SPOCK3: variants seen among roughly 807,000 people sequenced by gnomAD.
SPOCK3 encodes the protein testican-3.
SPOCK3 carries 30 observed loss-of-function variants against 56.6 expected under a neutral mutation model. The ratio of observed to expected loss-of-function variants is 0.53; its 90% CI spans 0.40 to 0.72. The LOEUF is 0.72. Among genes scored for constraint, SPOCK3 ranks in the 30% least tolerant of loss-of-function variants. The pLI, the probability that SPOCK3 is intolerant of heterozygous loss-of-function variation, is 0.00. For missense variants in SPOCK3, 527 were observed against 530.0 expected, an observed-to-expected ratio of 0.99 and a Z score of 0.06; for synonymous variants, 196 against 183.3, an observed-to-expected ratio of 1.07 and a Z score of -0.56.
chr4:167,119,053 C>T (rs1761653998), intron 2 of SPOCK3, among the ~76,000 whole-genome samples: 1 of 150,502 alleles, frequency 6.6e-6, no homozygotes, highest in Admixed American at 6.7e-5. Flanking sequence ...CATCATGTTC[C>T]CAAGTACATG....
intron 6 of SPOCK3, among the ~76,000 whole-genome samples, chr4:166,843,121 G>A (rs1027292971): frequency 4.6e-5 from 7 of 152,138 alleles, no homozygotes; most frequent in Admixed American, 1.3e-4. Context: ...TGCGGGGCCC[G>A]CCAAGCCCGT....
At chr4:166,767,976 T>C (rs1738352048) in intron 7 of SPOCK3, among the ~76,000 whole-genome samples, 1 of 151,962 alleles carries the variant, frequency 6.6e-6, no homozygotes, top group Non-Finnish European at 1.5e-5. Flanking sequence ...TCTTTGTTGG[T>C]TTAAAGTCTG....
intron 2 of SPOCK3, among the ~76,000 whole-genome samples, chr4:167,062,813 T>C (rs905439999): frequency 1.3e-5 from 2 of 151,896 alleles, no homozygotes; most frequent in African/African-American, 4.8e-5. Flanking sequence ...ACTATAACAA[T>C]TTAACTATTT....
At chr4:167,040,587 G>T (rs17599599) in intron 3 of SPOCK3, among the ~76,000 whole-genome samples, 4 of 152,084 alleles carry the variant, frequency 2.6e-5, no homozygotes, top group South Asian at 2.1e-4. Flanking sequence ...AATGAAATAC[G>T]TTGCTAACAA....
rs529070608 is a variant in SPOCK3, at chr4:167,021,665, C to T, written c.236-21202G>A. ...TAACTTGAGGAAATTCCTAGAATTA[C>T]AGCCACTGTCCTAGTAGGTTGCACA... On this transcript the variant is annotated intron_variant, in intron 3 of 10. Transcript: ENST00000357545. Among the ~76,000 whole-genome samples, 76 of 152,012 alleles carry T rather than the reference C, an allele frequency of 5.0e-4. No individual in the cohort carries two copies. The East Asian group carries it at 0.01, about 20-fold the overall frequency.
intron 6 of SPOCK3, among the ~76,000 whole-genome samples, chr4:166,866,058 G>A (rs1023907404): frequency 3.3e-5 from 5 of 152,130 alleles, no homozygotes; most frequent in African/African-American, 9.7e-5. Context: ...AACCAAAACA[G>A]CATGGTACTG....
chr4:167,230,809 C>T (rs1018229043), intron 2 of SPOCK3, among the ~76,000 whole-genome samples: 8 of 152,064 alleles, frequency 5.3e-5, no homozygotes, highest in African/African-American at 1.9e-4. Context: ...CATTAAGCAT[C>T]GTACACTCCA....
intron 4 of SPOCK3, among the ~76,000 whole-genome samples, chr4:166,933,807 C>A (rs1027611196): frequency 1.3e-5 from 2 of 152,130 alleles, no homozygotes; most frequent in East Asian, 1.9e-4. Context: ...TTATAAAATT[C>A]TTGGTTATCT....
At chr4:166,767,688 G>A (rs564216450) in intron 7 of SPOCK3, among the ~76,000 whole-genome samples, 30 of 152,292 alleles carry the variant, frequency 2.0e-4, no homozygotes, top group Non-Finnish European at 4.0e-4. Context: ...GAAGAGTTCC[G>A]TAGATGTCTA....
rs544412778 is a variant in SPOCK3 at position 167,068,182 on chromosome 4, T to A, written c.190-5645A>T. On this transcript the variant is annotated intron_variant, in intron 2 of 10. Coordinates refer to ENST00000357545, the MANE Select transcript of SPOCK3 (RefSeq NM_001040159.2). Reference sequence around the variant, plus strand: ...AACAGTTTCAATTAATATATTAGAATGAAAAATAAATATCAAAGAAAGCAA... The same window carrying A: ...AACAGTTTCAATTAATATATTAGAAAGAAAAATAAATATCAAAGAAAGCAA... Among the ~76,000 whole-genome samples, 21 of 151,700 alleles carry A rather than the reference T, an allele frequency of 1.4e-4. 1 individual carries two copies. In the East Asian group the frequency reaches 2.9e-3, roughly 21 times the overall value.
chr4:166,880,180 GC>G (rs1733542387), intron 6 of SPOCK3, among the ~76,000 whole-genome samples: 1 of 152,144 alleles, frequency 6.6e-6, no homozygotes, highest in Non-Finnish European at 1.5e-5. Flanking sequence ...GACTGAGGTT[GC>G]TTTTTCTATA....
At chr4:166,856,160 GGGAGGAGGAGGA>G (rs144233724) in intron 6 of SPOCK3, among the ~76,000 whole-genome samples, 2 of 150,082 alleles carry the variant, frequency 1.3e-5, no homozygotes, top group Non-Finnish European at 3.0e-5. Context: ...AGAGACTGAG[GGGAGGAGGAGGA>G]GGAGGAGGAG....
intron 2 of SPOCK3, among the ~76,000 whole-genome samples, chr4:167,097,973 T>C (rs1166964582): frequency 6.6e-6 from 1 of 151,956 alleles, no homozygotes; most frequent in East Asian, 1.9e-4. Flanking sequence ...ATAATTAACC[T>C]TAATCTTTTA....
At chr4:166,865,652 C>G (rs1285882472) in intron 6 of SPOCK3, among the ~76,000 whole-genome samples, 1 of 151,938 alleles carries the variant, frequency 6.6e-6, no homozygotes, top group African/African-American at 2.4e-5. Context: ...AAACAGAGAG[C>G]CAAATCATGA....
At chr4:166,854,761 A>C (rs1730480928) in intron 6 of SPOCK3, among the ~76,000 whole-genome samples, 2 of 152,196 alleles carry the variant, frequency 1.3e-5, no homozygotes, top group South Asian at 2.1e-4. Context: ...GGTAATTAAT[A>C]AGTTAATGAG....
Position 166,869,356 on chromosome 4 carries a change from C to T in SPOCK3, c.589+19774G>A, listed in dbSNP as rs12647293. ...AGGGAAATTAAGATCCTTGGCTCTC[C>T]CTTTTCTCTCTCAGAGCTCCAAACT... On this transcript the variant is annotated intron_variant, in intron 6 of 10. Coordinates refer to ENST00000357545, the MANE Select transcript of SPOCK3 (RefSeq NM_001040159.2). Among the ~76,000 whole-genome samples the T allele has an allele frequency of 2.6e-3, 402 of 152,200 alleles. 9 individuals are homozygous for T. In the East Asian group the frequency reaches 0.061, roughly 23 times the overall value.
chr4:167,113,787 G>A (rs1056145293), intron 2 of SPOCK3, among the ~76,000 whole-genome samples: 3 of 152,032 alleles, frequency 2.0e-5, no homozygotes, highest in African/African-American at 7.2e-5. Flanking sequence ...CAAGGGCTAT[G>A]GACAAAGGTG....
intron 6 of SPOCK3, among the ~76,000 whole-genome samples, chr4:166,822,280 A>G (rs1745014391): frequency 6.6e-6 from 1 of 152,012 alleles, no homozygotes; most frequent in African/African-American, 2.4e-5. Flanking sequence ...AATGAACTCA[A>G]ACAAATTGCT....
chr4:167,203,169 A>AT (rs1223939650), intron 2 of SPOCK3, among the ~76,000 whole-genome samples: 1 of 151,868 alleles, frequency 6.6e-6, no homozygotes, highest in Non-Finnish European at 1.5e-5. Context: ...TTACTTACTG[A>AT]TTTTTTTAGT....
Sources: allele counts gnomAD v4.1 joint callset (sites outside exome capture counted in the v4.1 genomes callset), GRCh38; gene constraint gnomAD v4.1.1; transcripts MANE v1.5; gene names NCBI Gene and HGNC (gene_info 2026-07-23, HGNC 2026-07-21).